CSE1L: variants seen among roughly 807,000 people sequenced by gnomAD.
CSE1L encodes exportin-2.
CSE1L carries 24 observed loss-of-function variants against 120.4 expected under a neutral mutation model. The observed-to-expected ratio is 0.20, with a 90% CI of 0.14 to 0.28. CSE1L has a LOEUF of 0.28. Ranked by LOEUF, CSE1L falls within the 10% of genes least tolerant of loss-of-function variation. CSE1L has a pLI of 1.00. For missense variants in CSE1L, 830 were observed against 1,145.2 expected (o/e 0.72, Z 3.97); for synonymous variants, 402 against 398.3 (o/e 1.01, Z -0.11).
At position 49,068,789 on chromosome 20, in the gene CSE1L, G is replaced by A. The variant is rs1199462288; in HGVS notation, c.642G>A (p.Leu214=). 6.2e-7 allele frequency: 1 copy of A among 1,612,946 alleles called. No individual in the cohort carries two copies. The highest frequency in any genetic ancestry group is 2.2e-5 in the East Asian group (1 of 44,856). Reference sequence around the variant, plus strand: ...GGATTCTGTTTTCTTCCCTGATCCTGATCTCAAAATTGTTCTATAGTTTAA... The same window carrying A: ...GGATTCTGTTTTCTTCCCTGATCCTAATCTCAAAATTGTTCTATAGTTTAA... ...ALRILFSSLI[L]ISKLFYSLNF... Residue 214 remains leucine (L), a synonymous_variant, in exon 7 of 25, where the codon CTG becomes CTA. Coordinates refer to ENST00000262982, the MANE Select transcript of CSE1L (RefSeq NM_001316.4).
chr20:49,067,166 ATC>A (rs2091899194), intron 5 of CSE1L, 22 bp from the exon 6 acceptor site: 1 of 1,467,006 alleles, frequency 6.8e-7, no homozygotes, highest in South Asian at 1.2e-5. Context: ...TTGTAAATTT[ATC>A]TGTTTTACCT....
Position 49,087,990 on chromosome 20 carries a change from C to T in CSE1L, c.1724-19C>T. The T allele has an allele frequency of 1.4e-6, 2 of 1,454,534 alleles. No homozygotes were observed. Among genetic ancestry groups the T allele is most frequent in the Admixed American group, 3.9e-5 (2 of 51,518 alleles). 90.1% of individuals were successfully genotyped at this position (1,454,534 alleles called of 1,614,324 possible). ...TTTAACTAAACTCTATTTGTTTTTG[C>T]TGTTTTTGTATTTTACAGCTATCAT... On this transcript the variant is annotated intron_variant, in intron 16 of 24. Transcript: ENST00000262982.
chr20:49,058,118 T>G (rs1316688825), intron 1 of CSE1L, among the ~76,000 whole-genome samples: 2 of 152,204 alleles, frequency 1.3e-5, no homozygotes, highest in African/African-American at 2.4e-5. Context: ...TTTTTTTTCT[T>G]AACCTTTATT....
intron 6 of CSE1L, among the ~76,000 whole-genome samples, chr20:49,068,487 T>C (rs1158980950): frequency 1.3e-5 from 2 of 152,106 alleles, no homozygotes; most frequent in Non-Finnish European, 2.9e-5. Flanking sequence ...TAGTCCCAGC[T>C]ACTTGGGAGG....
At position 49,090,774 on chromosome 20, in the gene CSE1L, T is replaced by C; in HGVS notation, c.2214T>C (p.Ile738=). ...PGLLGVFQKL[I]ASKANDHQGF... is the part of the protein sequence containing the mutation. ...TACTAGGTGTCTTTCAGAAGCTGATTGCATCCAAAGCAAATGACCACCAAG... is the reference window on the plus strand; with the variant it reads ...TACTAGGTGTCTTTCAGAAGCTGATCGCATCCAAAGCAAATGACCACCAAG... The change falls in exon 20 of 25, where the codon ATT becomes ATC. Residue 738 remains isoleucine (I), a synonymous_variant. Transcript: ENST00000262982. The C allele has an allele frequency of 1.9e-6, 3 of 1,614,046 alleles. No individual in the cohort carries two copies. The highest frequency in any genetic ancestry group is 2.5e-6 in the Non-Finnish European group (3 of 1,179,956).
In CSE1L at chr20:49,058,472, C is replaced by T; in HGVS notation, c.9C>T (p.Leu3=). The change falls in exon 2 of 25, where the codon CTC becomes CTT. Residue 3 remains leucine (L), a synonymous_variant. Coordinates refer to ENST00000262982, the MANE Select transcript of CSE1L (RefSeq NM_001316.4). The part of the protein sequence containing the change: ME[L]SDANLQTLTE... ...TTTTAGATCCTATAGCAATGGAACT[C>T]AGCGATGCAAATCTGCAAACACTAA... 2.5e-6 allele frequency: 4 copies of T among 1,612,822 alleles called. No homozygotes were observed. Among genetic ancestry groups the T allele is most frequent in the Non-Finnish European group, 3.4e-6 (4 of 1,179,100 alleles).
chr20:49,083,709 T>C (rs2092031487), intron 14 of CSE1L, among the ~76,000 whole-genome samples: 1 of 152,226 alleles, frequency 6.6e-6, no homozygotes, highest in African/African-American at 2.4e-5. Context: ...TCAAGAAATA[T>C]CTGCTAGTGA....
At position 49,072,612 on chromosome 20, in the gene CSE1L, A is replaced by G. The variant is rs1386588557; in HGVS notation, c.981A>G (p.Arg327=). Residue 327 remains arginine (R), a synonymous_variant, in exon 10 of 25, where the codon AGA becomes AGG. Coordinates refer to ENST00000262982, the MANE Select transcript of CSE1L (RefSeq NM_001316.4). ...AIQFLASVCE[R]PHYKNLFEDQ... ...AATTTCTGGCTTCAGTTTGTGAGAG[A>G]CCTCATTATAAGAATCTATTTGAGG... is the stretch of plus-strand genomic sequence containing the variant. 6.2e-7 allele frequency: 1 copy of G among 1,613,640 alleles called. No homozygotes were observed. The highest frequency in any genetic ancestry group is 8.5e-7 in the Non-Finnish European group (1 of 1,179,846).
intron 2 of CSE1L, among the ~76,000 whole-genome samples, chr20:49,059,194 C>T (rs6122748): frequency 6.6e-6 from 1 of 151,644 alleles, no homozygotes. Context: ...GAGTAATTGC[C>T]TAAAAAGTGA....
At chr20:49,062,770 A>G (rs748843900) in intron 2 of CSE1L, among the ~76,000 whole-genome samples, 7 of 151,972 alleles carry the variant, frequency 4.6e-5, no homozygotes, top group Non-Finnish European at 1.0e-4. Flanking sequence ...CATTTGGCTA[A>G]TAATAATATA....
chr20:49,077,056 C>A lies in CSE1L; in HGVS notation c.1412C>A (p.Ser471Ter). The change falls in exon 13 of 25, where the codon TCA becomes TAA. Residue 471 changes from serine to a stop codon, truncating the protein, a stop_gained. Coordinates refer to ENST00000262982, the MANE Select transcript of CSE1L (RefSeq NM_001316.4). LOFTEE classifies it high-confidence loss of function. ...FVNHILPDLK[S>*]ANVNEFPVLK... Reference sequence around the variant, plus strand: ...AATCACATCCTCCCTGATTTAAAATCAGCTAATGGTGAGTTGTGAAATTCT... The same window carrying A: ...AATCACATCCTCCCTGATTTAAAATAAGCTAATGGTGAGTTGTGAAATTCT... 1.2e-6 allele frequency: 2 copies of A among 1,602,856 alleles called. No individual in the cohort carries two copies. The highest frequency in any genetic ancestry group is 8.5e-7 in the Non-Finnish European group (1 of 1,174,592).
intron 2 of CSE1L, among the ~76,000 whole-genome samples, chr20:49,061,986 T>A (rs1403014252): frequency 2.0e-5 from 3 of 152,158 alleles, no homozygotes; most frequent in African/African-American, 7.2e-5. Context: ...CAGAAACATA[T>A]GCATGTGAAT....
intron 23 of CSE1L, 97 bp from the exon 24 acceptor site, chr20:49,094,635 C>A: frequency 1.3e-6 from 1 of 797,794 alleles, no homozygotes; most frequent in Non-Finnish European, 2.1e-6. Context: ...ATTCTTGAGA[C>A]TATGAGTCTG....
chr20:49,085,625 G>A (rs1268876079), intron 16 of CSE1L, among the ~76,000 whole-genome samples: 2 of 122,636 alleles, frequency 1.6e-5, no homozygotes, highest in Non-Finnish European at 3.2e-5. Flanking sequence ...AGGCTGAAGT[G>A]CAGTGGCTTG....
Position 49,096,554 on chromosome 20 carries a change from C to T in CSE1L, c.*116C>T, listed in dbSNP as rs1218154971. 1.3e-5 allele frequency: 10 copies of T among 768,272 alleles called. No individual in the cohort carries two copies. The highest frequency in any genetic ancestry group is 2.2e-5 in the Non-Finnish European group (10 of 456,220). 47.6% of individuals were successfully genotyped at this position (768,272 alleles called of 1,614,324 possible). ...CTTTTGAACTTGTCACGAATTCCAT[C>T]TTGTAAAGGATATTAAATGTTGCTT... On this transcript the variant is annotated 3_prime_UTR_variant, in exon 25 of 25. Coordinates refer to ENST00000262982, the MANE Select transcript of CSE1L (RefSeq NM_001316.4).
chr20:49,077,609 A>G (rs1312506482), intron 13 of CSE1L, among the ~76,000 whole-genome samples: 1 of 152,234 alleles, frequency 6.6e-6, no homozygotes, highest in Non-Finnish European at 1.5e-5. Flanking sequence ...TACCTAGTGT[A>G]TAAATAAGGA....
chr20:49,065,567 C>T (rs1369755543), intron 3 of CSE1L, among the ~76,000 whole-genome samples: 2 of 133,666 alleles, frequency 1.5e-5, no homozygotes, highest in Admixed American at 8.1e-5. Context: ...TGAGCCATCG[C>T]ACCTGGCCTA....
intron 14 of CSE1L, among the ~76,000 whole-genome samples, chr20:49,082,813 G>A (rs900572795): frequency 6.6e-6 from 1 of 151,446 alleles, no homozygotes; most frequent in Non-Finnish European, 1.5e-5. Context: ...GAGCCACCGT[G>A]CCTGGCCTTT....
rs2092083772 is a variant in CSE1L at position 49,089,333 on chromosome 20, T to C, written c.1908T>C (p.Ala636=). 1 of 1,613,554 alleles carries C rather than the reference T, an allele frequency of 6.2e-7. No individual in the cohort carries two copies. The part of the protein sequence containing the change: ...IRITCKANPA[A]VVNFEEALFL... ...TAACTTGCAAAGCTAACCCTGCTGC[T>C]GTTGTAAATTTTGAGGAGGCTTTGT... Residue 636 remains alanine, a synonymous_variant, in exon 18 of 25, where the codon GCT becomes GCC. Coordinates refer to ENST00000262982, the MANE Select transcript of CSE1L (RefSeq NM_001316.4).
Sources: gnomAD v4.1 joint callset for allele counts (sites outside exome capture counted in the v4.1 genomes callset) on GRCh38, gnomAD v4.1.1 for gene constraint, MANE v1.5 for transcripts, NCBI Gene and HGNC (gene_info 2026-07-23, HGNC 2026-07-21) for gene names.